The following FRMPD4 variants were observed in gnomAD, a reference collection of about 807,000 sequenced individuals.
FRMPD4 encodes FERM and PDZ domain containing 4.
Under a neutral mutation model 94.1 loss-of-function variants are expected in FRMPD4, and 22 were observed. The observed-to-expected ratio is 0.23, with a 90% CI of 0.17 to 0.33. The LOEUF is 0.33. FRMPD4 is among the 10% of genes least tolerant of loss of function. FRMPD4 has a pLI of 1.00. For synonymous variants in FRMPD4, 631 were observed against 548.6 expected (o/e 1.15, Z -2.10); for missense variants, 1,111 against 1,339.9 (o/e 0.83, Z 2.67).
chrX:12,678,289 G>A (rs1474501302), intron 5 of FRMPD4, among the ~76,000 whole-genome samples: 1 of 112,392 alleles, frequency 8.9e-6, no homozygotes, highest in Non-Finnish European at 1.9e-5. Context: ...AAATCTTTAT[G>A]TGTAAGTCTT....
rs950035977 is a variant in FRMPD4, at chrX:12,138,792, G to A, written c.-180G>A. The A allele has an allele frequency of 8.3e-6, 3 of 360,829 alleles. No individual in the cohort carries two copies. The highest frequency in any genetic ancestry group is 5.3e-5 in the African/African-American group (2 of 37,481). 29.7% of individuals were successfully genotyped at this position (360,829 alleles called of 1,213,427 possible). On this transcript the variant is annotated 5_prime_UTR_variant, in exon 1 of 17. Transcript: ENST00000675598. ...GATGCACACGCAGCTCGCGGCCGGA[G>A]GGGGGTAGCAGCCGCCGCCTCCAGG...
intron 2 of FRMPD4, among the ~76,000 whole-genome samples, chrX:12,587,124 G>A (rs1020946930): frequency 3.6e-5 from 4 of 109,672 alleles, no homozygotes; most frequent in African/African-American, 1.0e-4. Flanking sequence ...GTACAAGTTC[G>A]CGCCACCACG....
At chrX:12,006,488 GCCA>G (rs772467982) in intron 3 of FRMPD4, among the ~76,000 whole-genome samples, 11 of 112,049 alleles carry the variant, frequency 9.8e-5, no homozygotes, top group Non-Finnish European at 1.7e-4. Context: ...CACCAGAAAA[GCCA>G]CCACATTTGC....
At chrX:12,478,575 C>G (rs920967402) in intron 1 of FRMPD4, among the ~76,000 whole-genome samples, 1 of 111,363 alleles carries the variant, frequency 9.0e-6, no homozygotes, top group African/African-American at 3.3e-5. Flanking sequence ...AGAGCGAGAC[C>G]CCATCTCAAG....
At chrX:12,001,944 T>C (rs760551540) in intron 3 of FRMPD4, among the ~76,000 whole-genome samples, 42 of 111,982 alleles carry the variant, frequency 3.8e-4, no homozygotes, top group Admixed American at 9.5e-5. Context: ...ATGAATGTAA[T>C]GATGTCTGTG....
At position 11,990,214 on chromosome X, in the gene FRMPD4, T is replaced by C. The variant is rs1008522254; in HGVS notation, c.95+112196T>C. Among the ~76,000 whole-genome samples the C allele has an allele frequency of 3.1e-4, 35 of 112,110 alleles. 1 individual carries two copies. Among genetic ancestry groups the C allele is most frequent in the African/African-American group, 9.1e-4 (28 of 30,909 alleles). ...AGTTAAACAAGCCAGGCACAAATGG[T>C]TACGTTGTATGATTCCATTTATATT... On this transcript the variant is annotated intron_variant, in intron 3 of 18. Coordinates refer to the FRMPD4 transcript ENST00000640291.
intron 1 of FRMPD4, among the ~76,000 whole-genome samples, chrX:11,830,063 C>A (rs543973070): frequency 1.2e-4 from 13 of 111,081 alleles, no homozygotes; most frequent in African/African-American, 3.9e-4. Flanking sequence ...CTATGGTGCA[C>A]AGAACATAAA....
At chrX:11,831,398 T>C (rs1257090311) in intron 1 of FRMPD4, among the ~76,000 whole-genome samples, 1 of 111,218 alleles carries the variant, frequency 9.0e-6, no homozygotes, top group African/African-American at 3.3e-5. Flanking sequence ...AGATTACTTC[T>C]GTCTAGTCTC....
intron 1 of FRMPD4, among the ~76,000 whole-genome samples, chrX:12,471,220 C>T (rs143071677): frequency 9.1e-4 from 102 of 111,630 alleles, no homozygotes; most frequent in African/African-American, 3.1e-3. Context: ...ATGAAATGCC[C>T]GACAGAAACA....
chrX:12,513,783 A>G (rs1187188561), intron 2 of FRMPD4, among the ~76,000 whole-genome samples: 1 of 111,995 alleles, frequency 8.9e-6, no homozygotes, highest in Non-Finnish European at 1.9e-5. Context: ...TGGGAATAGC[A>G]CTGAATATAT....
intron 4 of FRMPD4, among the ~76,000 whole-genome samples, chrX:12,649,258 G>A (rs1602260236): frequency 8.9e-6 from 1 of 111,932 alleles, no homozygotes; most frequent in Non-Finnish European, 1.9e-5. Flanking sequence ...TTCTTTATGT[G>A]CCCTTAAAGT....
At chrX:12,108,932 A>G (rs1044734701) in intron 3 of FRMPD4, among the ~76,000 whole-genome samples, 16 of 111,308 alleles carry the variant, frequency 1.4e-4, no homozygotes, top group Admixed American at 5.7e-4. Flanking sequence ...GCAAGTCCTT[A>G]GAGATCTACA....
At chrX:11,895,422 T>C (rs146184779) in intron 3 of FRMPD4, among the ~76,000 whole-genome samples, 109 of 111,268 alleles carry the variant, frequency 9.8e-4, no homozygotes, top group African/African-American at 3.4e-3. Flanking sequence ...TAATGAAAAC[T>C]GTTAGGAAGA....
At chrX:11,957,885 G>A (rs1296873404) in intron 3 of FRMPD4, among the ~76,000 whole-genome samples, 1 of 112,327 alleles carries the variant, frequency 8.9e-6, no homozygotes, top group South Asian at 3.7e-4. Context: ...ACTGAAAGTA[G>A]TTATTTTGAA....
chrX:12,421,055 A>G (rs924861590), intron 1 of FRMPD4, among the ~76,000 whole-genome samples: 2 of 111,700 alleles, frequency 1.8e-5, no homozygotes, highest in African/African-American at 6.6e-5. Context: ...GTTCGAAGAC[A>G]TGGATATAAT....
chrX:12,475,293 G>C lies in FRMPD4; in HGVS notation c.42-23387G>C, dbSNP rs147073017. 9.8e-3 allele frequency among the ~76,000 whole-genome samples: 1,097 copies of C among 112,027 alleles called. 9 individuals carry two copies. The highest frequency in any genetic ancestry group is 0.032 in the Middle Eastern group (7 of 217). ...CGTGCTAAAAACTCTCAATAAATTA[G>C]CTATTGATGGGACGTATCTCAAAAT... is the stretch of plus-strand genomic sequence containing the variant. On this transcript the variant is annotated intron_variant, in intron 1 of 16. Transcript: ENST00000675598.
chrX:12,226,453 T>C (rs1284996355), intron 1 of FRMPD4, among the ~76,000 whole-genome samples: 1 of 111,884 alleles, frequency 8.9e-6, no homozygotes, highest in Non-Finnish European at 1.9e-5. Flanking sequence ...ATAATCTGCA[T>C]TTAGGTCTCA....
At chrX:12,012,266 A>G (rs1228003283) in intron 3 of FRMPD4, among the ~76,000 whole-genome samples, 4 of 111,770 alleles carry the variant, frequency 3.6e-5, no homozygotes, top group Non-Finnish European at 7.5e-5. Flanking sequence ...AATGTTGAAT[A>G]GAAGTGGTGG....
rs763664937 is a variant in FRMPD4 at position 11,904,335 on chromosome X, A to C, written c.95+26317A>C. Among the ~76,000 whole-genome samples the C allele has an allele frequency of 4.5e-5, 5 of 111,873 alleles. No individual in the cohort carries two copies. The South Asian group carries it at 1.9e-3, about 42-fold the overall frequency. The stretch of plus-strand genomic sequence containing the variant: ...TAAAGTGCTGCCTTTACTGAATTCA[A>C]AAAAATCAAGGAGAGACTTTGCCAC... On this transcript the variant is annotated intron_variant, in intron 3 of 18. Coordinates refer to the FRMPD4 transcript ENST00000640291.
Sources: allele counts gnomAD v4.1 joint callset (sites outside exome capture counted in the v4.1 genomes callset), GRCh38; gene constraint gnomAD v4.1.1; transcripts MANE v1.5; gene names NCBI Gene and HGNC (gene_info 2026-07-23, HGNC 2026-07-21).